Variants in KHDRBS3 observed in about 807,000 individuals in gnomAD.
KHDRBS3 encodes the protein KH RNA binding domain containing, signal transduction associated 3.
In KHDRBS3, 23 loss-of-function variants were observed where a neutral mutation model predicts 45.6. The observed-to-expected ratio is 0.50, with a 90% CI of 0.36 to 0.72. KHDRBS3 has a LOEUF of 0.72. KHDRBS3 is among the 30% of genes least tolerant of loss of function. The pLI, the probability that KHDRBS3 is intolerant of heterozygous loss-of-function variation, is 0.00. For missense variants in KHDRBS3, 352 were observed against 424.8 expected (o/e 0.83, Z 1.51); for synonymous variants, 162 against 156.5 (o/e 1.04, Z -0.26).
intron 1 of KHDRBS3, among the ~76,000 whole-genome samples, chr8:135,516,232 TACC>T (rs1824593308): frequency 1.3e-5 from 2 of 152,218 alleles, no homozygotes; most frequent in South Asian, 4.1e-4. Flanking sequence ...ATAGGACACT[TACC>T]ATGAGTGGAG....
intron 5 of KHDRBS3, among the ~76,000 whole-genome samples, chr8:135,561,400 G>A (rs1827159077): frequency 6.6e-6 from 1 of 152,140 alleles, no homozygotes; most frequent in East Asian, 1.9e-4. Context: ...GTGAGACCAG[G>A]GAGGTAGATT....
chr8:135,622,403 A>T (rs769366415), intron 7 of KHDRBS3, among the ~76,000 whole-genome samples: 3 of 152,194 alleles, frequency 2.0e-5, no homozygotes, highest in Non-Finnish European at 4.4e-5. Flanking sequence ...GTATAATTTG[A>T]TATGCAGATT....
chr8:135,504,166 A>G (rs576193212), intron 1 of KHDRBS3, among the ~76,000 whole-genome samples: 2 of 152,244 alleles, frequency 1.3e-5, no homozygotes, highest in Admixed American at 6.5e-5. Context: ...TTATTACTTC[A>G]TGTCTCACTA....
chr8:135,640,144 G>A (rs1831000740), intron 7 of KHDRBS3, among the ~76,000 whole-genome samples: 1 of 152,096 alleles, frequency 6.6e-6, no homozygotes, highest in African/African-American at 2.4e-5. Context: ...TGCAGGGGAG[G>A]GTAGGAGATG....
At chr8:135,518,723 G>A (rs1375873449) in intron 1 of KHDRBS3, among the ~76,000 whole-genome samples, 4 of 152,114 alleles carry the variant, frequency 2.6e-5, no homozygotes, top group African/African-American at 9.7e-5. Context: ...GCTCTTTACT[G>A]AAGAAAACAA....
chr8:135,462,296 G>T (rs1392645585), intron 1 of KHDRBS3, among the ~76,000 whole-genome samples: 4 of 149,582 alleles, frequency 2.7e-5, no homozygotes, highest in Admixed American at 1.3e-4. Context: ...CCATTTCTGA[G>T]TTTTATACAG....
intron 4 of KHDRBS3, among the ~76,000 whole-genome samples, chr8:135,553,372 C>T (rs918595228): frequency 1.3e-4 from 20 of 152,078 alleles, no homozygotes; most frequent in Admixed American, 7.2e-4. Context: ...CTTTGCTGAG[C>T]TCCTCCCTTA....
chr8:135,559,383 T>C (rs1021506916), intron 5 of KHDRBS3, among the ~76,000 whole-genome samples: 3 of 152,168 alleles, frequency 2.0e-5, no homozygotes, highest in African/African-American at 7.2e-5. Flanking sequence ...GATGGAGTGT[T>C]GCCCTGTCAC....
At chr8:135,525,228 G>C (rs919207016) in intron 2 of KHDRBS3, among the ~76,000 whole-genome samples, 21 of 152,124 alleles carry the variant, frequency 1.4e-4, no homozygotes, top group African/African-American at 4.8e-4. Context: ...TGTCTATTGG[G>C]TAAGAGTTCA....
chr8:135,486,898 C>T (rs1266104957), intron 1 of KHDRBS3, among the ~76,000 whole-genome samples: 6 of 152,080 alleles, frequency 3.9e-5, no homozygotes, highest in South Asian at 2.1e-4. Flanking sequence ...ATGAAAGATA[C>T]GTGTTTAAAA....
intron 5 of KHDRBS3, among the ~76,000 whole-genome samples, chr8:135,559,354 T>G (rs2130840186): frequency 6.6e-6 from 1 of 152,246 alleles, no homozygotes; most frequent in South Asian, 2.1e-4. Context: ...TTTATTTTGT[T>G]TATTTATTTA....
intron 4 of KHDRBS3, among the ~76,000 whole-genome samples, chr8:135,655,040 A>G (rs1241260895): frequency 6.6e-6 from 1 of 152,182 alleles, no homozygotes; most frequent in Admixed American, 6.5e-5. Flanking sequence ...CATCCCTTGT[A>G]TGCTCCTTGA....
At chr8:135,644,153 A>G (rs1448143336) in intron 7 of KHDRBS3, among the ~76,000 whole-genome samples, 1 of 152,220 alleles carries the variant, frequency 6.6e-6, no homozygotes, top group Non-Finnish European at 1.5e-5. Flanking sequence ...TGAGTAATCT[A>G]GACTTTTCAC....
At chr8:135,458,800 G>A (rs1821265034) in intron 1 of KHDRBS3, 1 of 453,236 alleles carries the variant, frequency 2.2e-6, no homozygotes. Context: ...AAGATCCTAG[G>A]AAGTACTGCG....
rs75501742 is a variant in KHDRBS3 at position 135,567,114 on chromosome 8, G to A, written c.611+9527G>A. On this transcript the variant is annotated intron_variant, in intron 5 of 8. Transcript: ENST00000355849. ...TCTATAGCAGCTGAGTGGGGTTGGA[G>A]TTGACCACTTGTCAGGATGATGAGG... 1.2e-4 allele frequency among the ~76,000 whole-genome samples: 19 copies of A among 152,246 alleles called. No homozygotes were observed. In the East Asian group the frequency reaches 3.1e-3, roughly 25 times the overall value.
chr8:135,602,642 T>C (rs1829269019), intron 6 of KHDRBS3, among the ~76,000 whole-genome samples: 1 of 152,180 alleles, frequency 6.6e-6, no homozygotes, highest in African/African-American at 2.4e-5. Flanking sequence ...AATAGAATTC[T>C]TTGAAGAAGC....
intron 1 of KHDRBS3, among the ~76,000 whole-genome samples, chr8:135,467,860 C>G (rs1049491310): frequency 2.6e-5 from 4 of 152,206 alleles, no homozygotes; most frequent in African/African-American, 9.6e-5. Context: ...ATATCCTGCT[C>G]CTCATTAAAC....
chr8:135,549,207 T>C, intron 4 of KHDRBS3: 1 of 191,084 alleles, frequency 5.2e-6, no homozygotes, highest in Non-Finnish European at 1.1e-5. Flanking sequence ...TGTGACACTG[T>C]ACAACTTTTT....
intron 1 of KHDRBS3, among the ~76,000 whole-genome samples, chr8:135,467,260 A>G (rs1563697776): frequency 6.6e-6 from 1 of 152,204 alleles, no homozygotes. Context: ...TCTGTTCCTC[A>G]TATATTATCT....
Sources: allele counts gnomAD v4.1 joint callset (sites outside exome capture counted in the v4.1 genomes callset), GRCh38; gene constraint gnomAD v4.1.1; transcripts MANE v1.5; gene names NCBI Gene and HGNC (gene_info 2026-07-23, HGNC 2026-07-21).